Variants in ADAMTSL1 observed in about 807,000 individuals in gnomAD.
The protein encoded by ADAMTSL1 is ADAMTS like 1.
A neutral mutation model predicts 201.8 loss-of-function variants in ADAMTSL1; 126 were observed. The observed-to-expected ratio is 0.62, with a 90% CI of 0.54 to 0.72. The LOEUF is 0.72. Among genes scored for constraint, ADAMTSL1 ranks in the 30% least tolerant of loss-of-function variants. The probability of loss-of-function intolerance (pLI) is 0.00; values close to 1 mark genes in which losing one functional copy is unlikely to be tolerated. For synonymous variants in ADAMTSL1, 1,121 were observed against 903.4 expected (o/e 1.24, Z -4.32); for missense variants, 2,679 against 2,277.8 (o/e 1.18, Z -3.59).
chr9:18,896,716 T>C (rs1025554439), intron 26 of ADAMTSL1, among the ~76,000 whole-genome samples: 1 of 152,112 alleles, frequency 6.6e-6, no homozygotes, highest in Non-Finnish European at 1.5e-5. Flanking sequence ...CTACATATCT[T>C]TGCAATCAGT....
intron 3 of ADAMTSL1, among the ~76,000 whole-genome samples, chr9:18,536,273 C>T (rs960158863): frequency 4.6e-5 from 7 of 152,070 alleles, no homozygotes; most frequent in Non-Finnish European, 7.4e-5. Context: ...GCTAAATCTC[C>T]ACGGTCATCT....
chr9:17,965,699 C>G (rs959563571), intron 1 of ADAMTSL1, among the ~76,000 whole-genome samples: 4 of 152,052 alleles, frequency 2.6e-5, no homozygotes, highest in Non-Finnish European at 5.9e-5. Flanking sequence ...ACTTTCAATT[C>G]AATTGGGCTT....
chr9:17,992,124 G>C (rs1159023369), intron 1 of ADAMTSL1, among the ~76,000 whole-genome samples: 1 of 152,100 alleles, frequency 6.6e-6, no homozygotes, highest in Non-Finnish European at 1.5e-5. Flanking sequence ...TAGAGTATGG[G>C]TATAGAGAGA....
intron 1 of ADAMTSL1, among the ~76,000 whole-genome samples, chr9:18,149,178 G>A (rs752110854): frequency 2.0e-5 from 3 of 151,996 alleles, no homozygotes; most frequent in Non-Finnish European, 2.9e-5. Context: ...CCTTCTTAGT[G>A]AGCTCGTCAT....
chr9:18,541,279 G>C (rs1820129058), intron 3 of ADAMTSL1, among the ~76,000 whole-genome samples: 1 of 152,180 alleles, frequency 6.6e-6, no homozygotes, highest in South Asian at 2.1e-4. Context: ...GGGAGGCCGA[G>C]GCAGGCAGAT....
At chr9:18,217,579 C>T (rs79102082) in intron 2 of ADAMTSL1, among the ~76,000 whole-genome samples, 1 of 152,238 alleles carries the variant, frequency 6.6e-6, no homozygotes, top group African/African-American at 2.4e-5. Flanking sequence ...CATCATATAT[C>T]TCTGAGCAGA....
At chr9:18,139,506 C>A (rs1017123980) in intron 1 of ADAMTSL1, among the ~76,000 whole-genome samples, 7 of 152,132 alleles carry the variant, frequency 4.6e-5, no homozygotes, top group Non-Finnish European at 8.8e-5. Flanking sequence ...CCATCCTATT[C>A]TGATAACCCC....
intron 2 of ADAMTSL1, among the ~76,000 whole-genome samples, chr9:18,311,148 G>C (rs183066278): frequency 6.6e-6 from 1 of 151,782 alleles, no homozygotes; most frequent in African/African-American, 2.4e-5. Context: ...AGTGGGAGCT[G>C]AACTATGAGA....
intron 19 of ADAMTSL1, among the ~76,000 whole-genome samples, chr9:18,789,045 C>A (rs930347933): frequency 6.6e-6 from 1 of 152,158 alleles, no homozygotes; most frequent in Non-Finnish European, 1.5e-5. Flanking sequence ...CCTCCCTGGT[C>A]CCATGCACAG....
In ADAMTSL1 at chr9:18,331,779, C is replaced by T. The variant is rs549541592; in HGVS notation, c.207+167798C>T. ...TGCTAGAGTTTTAGTAGCTATGCAT[C>T]AGTAGCTCTGGCATTGCTTGGAGTC... On this transcript the variant is annotated intron_variant, in intron 2 of 29. Transcript: ENST00000680146. Among the ~76,000 whole-genome samples the T allele has an allele frequency of 3.3e-5, 5 of 152,284 alleles. No individual in the cohort carries two copies. In the South Asian group the frequency reaches 8.3e-4, roughly 25 times the overall value.
At chr9:18,234,644 T>C (rs1830769318) in intron 2 of ADAMTSL1, among the ~76,000 whole-genome samples, 1 of 152,176 alleles carries the variant, frequency 6.6e-6, no homozygotes, top group Non-Finnish European at 1.5e-5. Context: ...TTGTTCTCAT[T>C]TGATTAACAT....
intron 15 of ADAMTSL1, among the ~76,000 whole-genome samples, chr9:18,740,840 G>A (rs1818787261): frequency 6.6e-6 from 1 of 152,088 alleles, no homozygotes; most frequent in Non-Finnish European, 1.5e-5. Context: ...AGGCTTCATG[G>A]AAGCATTCTT....
chr9:18,844,351 A>G (rs1825942236), intron 23 of ADAMTSL1, among the ~76,000 whole-genome samples: 1 of 152,072 alleles, frequency 6.6e-6, no homozygotes, highest in South Asian at 2.1e-4. Flanking sequence ...AGAACAGTGG[A>G]TTTTCATGAA....
At chr9:18,000,447 A>G (rs965626930) in intron 1 of ADAMTSL1, among the ~76,000 whole-genome samples, 4 of 151,632 alleles carry the variant, frequency 2.6e-5, no homozygotes, top group African/African-American at 9.7e-5. Context: ...TGTCTCTCCT[A>G]TGGACCCACA....
At chr9:18,839,875 T>C (rs1825599085) in intron 23 of ADAMTSL1, among the ~76,000 whole-genome samples, 1 of 149,760 alleles carries the variant, frequency 6.7e-6, no homozygotes, top group South Asian at 2.1e-4. Context: ...CACTTTTGGA[T>C]GGGGTTCTTT....
At chr9:18,748,629 A>T (rs1223961227) in intron 15 of ADAMTSL1, among the ~76,000 whole-genome samples, 3 of 152,252 alleles carry the variant, frequency 2.0e-5, no homozygotes, top group East Asian at 3.9e-4. Flanking sequence ...TGTGTAGAGG[A>T]CATAACTAAG....
chr9:18,011,923 G>C (rs1820069423), intron 1 of ADAMTSL1, among the ~76,000 whole-genome samples: 2 of 152,024 alleles, frequency 1.3e-5, no homozygotes, highest in Non-Finnish European at 2.9e-5. Context: ...CCGGTATGGA[G>C]CTTTGGCAGA....
intron 2 of ADAMTSL1, among the ~76,000 whole-genome samples, chr9:18,177,897 G>A (rs1292393656): frequency 6.6e-6 from 1 of 152,158 alleles, no homozygotes; most frequent in Non-Finnish European, 1.5e-5. Flanking sequence ...TATAGTAGGT[G>A]AAACAATAAT....
chr9:18,901,361 CT>C (rs1364473776), intron 26 of ADAMTSL1, among the ~76,000 whole-genome samples: 6 of 152,052 alleles, frequency 3.9e-5, no homozygotes, highest in African/African-American at 1.4e-4. Context: ...CATATAAAGA[CT>C]CTCCAATAAA....
Sources: gnomAD v4.1 joint callset for allele counts (sites outside exome capture counted in the v4.1 genomes callset) on GRCh38, gnomAD v4.1.1 for gene constraint, MANE v1.5 for transcripts, NCBI Gene and HGNC (gene_info 2026-07-23, HGNC 2026-07-21) for gene names.